The following PEBP4 variants were observed in gnomAD, a reference collection of about 807,000 sequenced individuals.
PEBP4 encodes phosphatidylethanolamine binding protein 4, also known as phosphatidylethanolamine-binding protein 4.
Under a neutral mutation model 23.9 loss-of-function variants are expected in PEBP4, and 22 were observed. That is an observed-to-expected ratio of 0.92 (90% CI 0.66 to 1.31). The LOEUF is 1.31. PEBP4 is among the 40% of genes most tolerant of loss of function. The pLI is 0.00. For missense variants in PEBP4, 324 were observed against 281.7 expected, an observed-to-expected ratio of 1.15 and a Z score of -1.07; for synonymous variants, 112 against 99.3, an observed-to-expected ratio of 1.13 and a Z score of -0.76.
At chr8:22,855,010 A>G (rs200199824) in intron 3 of PEBP4, among the ~76,000 whole-genome samples, 3,796 of 31,124 alleles carry the variant, frequency 0.12, 137 homozygotes, top group East Asian at 0.26. Context: ...GCACACACAC[A>G]CACACACACA....
intron 4 of PEBP4, among the ~76,000 whole-genome samples, chr8:22,807,055 C>T (rs79858170): frequency 0.18 from 26,879 of 152,180 alleles, 2,963 homozygotes; most frequent in South Asian, 0.27. Context: ...ACTGATATTA[C>T]ACTTACCAGC....
At chr8:22,843,693 GC>G (rs1481317071) in intron 3 of PEBP4, among the ~76,000 whole-genome samples, 17 of 152,202 alleles carry the variant, frequency 1.1e-4, no homozygotes, top group Non-Finnish European at 1.8e-4. Context: ...TTGAATGTCA[GC>G]CTTGCCCCAG....
intron 4 of PEBP4, among the ~76,000 whole-genome samples, chr8:22,777,293 G>A (rs1474260894): frequency 2.0e-5 from 3 of 152,140 alleles, no homozygotes; most frequent in Non-Finnish European, 4.4e-5. Context: ...CATTTACAGT[G>A]TGGAAGAGGA....
At position 22,817,728 on chromosome 8, in the gene PEBP4, G is replaced by C; in HGVS notation, c.266C>G (p.Thr89Ser). The change falls in exon 4 of 7, where the codon ACC (threonine) becomes AGC (serine). Residue 89 changes from threonine (T) to serine (S), a missense_variant. Thr to Ser is a moderately conservative substitution (Grantham distance 58). Coordinates refer to ENST00000256404, the MANE Select transcript of PEBP4 (RefSeq NM_144962.3). The part of the protein sequence containing the change: ...VKFPGAVDGA[T>S]YILVMVDPDA... ...TGGATCCACCATCACCAGGATATAG[G>C]TTGCGCCCTGTAACACATGTACCGA... 6.2e-7 allele frequency: 1 copy of C among 1,614,036 alleles called. No homozygotes were observed. Among genetic ancestry groups the C allele is most frequent in the South Asian group, 1.1e-5 (1 of 91,084 alleles).
chr8:22,779,577 T>C (rs1185950143), intron 4 of PEBP4, among the ~76,000 whole-genome samples: 1 of 151,954 alleles, frequency 6.6e-6, no homozygotes, highest in Non-Finnish European at 1.5e-5. Context: ...GGTGCCGTGG[T>C]CCCCCGACTC....
chr8:22,850,894 G>C (rs1807537419), intron 3 of PEBP4, among the ~76,000 whole-genome samples: 1 of 152,216 alleles, frequency 6.6e-6, no homozygotes, highest in African/African-American at 2.4e-5. Context: ...CTTGGGTTCA[G>C]ACACGGCTTC....
At chr8:22,776,567 C>T (rs899111653) in intron 4 of PEBP4, among the ~76,000 whole-genome samples, 10 of 152,004 alleles carry the variant, frequency 6.6e-5, no homozygotes, top group South Asian at 2.1e-4. Context: ...CCTCCTCCCA[C>T]GGGTTTCTCC....
chr8:22,813,608 T>G (rs1466093885), intron 4 of PEBP4, among the ~76,000 whole-genome samples: 1 of 152,196 alleles, frequency 6.6e-6, no homozygotes, highest in Admixed American at 6.5e-5. Flanking sequence ...CCTAATGAGC[T>G]TTCAGCATGA....
At chr8:22,838,346 T>C (rs1807249169) in intron 3 of PEBP4, among the ~76,000 whole-genome samples, 3 of 152,190 alleles carry the variant, frequency 2.0e-5, no homozygotes, top group Non-Finnish European at 4.4e-5. Context: ...ACAGGTTTTT[T>C]GGTTTTTTTT....
At chr8:22,714,869 A>G (rs1259125397) in intron 6 of PEBP4, among the ~76,000 whole-genome samples, 2 of 152,228 alleles carry the variant, frequency 1.3e-5, no homozygotes, top group Non-Finnish European at 2.9e-5. Flanking sequence ...AGGAGAGGAT[A>G]ATTTTTAATC....
chr8:22,839,733 A>G (rs1207433066), intron 3 of PEBP4, among the ~76,000 whole-genome samples: 2 of 152,116 alleles, frequency 1.3e-5, no homozygotes, highest in African/African-American at 2.4e-5. Flanking sequence ...CATAACTGAG[A>G]ACCACAACCT....
chr8:22,930,232 G>A (rs1809433493), upstream of PEBP4, among the ~76,000 whole-genome samples: 1 of 152,182 alleles, frequency 6.6e-6, no homozygotes, highest in Admixed American at 6.5e-5. Flanking sequence ...TGCCAGGGCT[G>A]TGATAGGCAC....
chr8:22,913,270 G>C (rs1256424447), intron 3 of PEBP4, among the ~76,000 whole-genome samples: 1 of 152,120 alleles, frequency 6.6e-6, no homozygotes, highest in Non-Finnish European at 1.5e-5. Flanking sequence ...GAACGATCCA[G>C]ATCCAGTGGC....
intron 4 of PEBP4, among the ~76,000 whole-genome samples, chr8:22,772,410 A>G (rs563744915): frequency 2.8e-4 from 43 of 152,056 alleles, no homozygotes; most frequent in African/African-American, 9.4e-4. Context: ...CCTGGGTTCC[A>G]TGCCCATTAT....
At chr8:22,736,242 G>A (rs554417669) in intron 4 of PEBP4, among the ~76,000 whole-genome samples, 1 of 152,226 alleles carries the variant, frequency 6.6e-6, no homozygotes, top group South Asian at 2.1e-4. Flanking sequence ...GGGGTTCCGG[G>A]GTGGGGTTAA....
At chr8:22,920,551 G>A (rs371308871) in intron 2 of PEBP4, among the ~76,000 whole-genome samples, 60 of 152,214 alleles carry the variant, frequency 3.9e-4, no homozygotes, top group African/African-American at 1.3e-3. Flanking sequence ...GAAAAGTGGC[G>A]GTCAATGGTC....
At chr8:22,804,216 A>C (rs1806447590) in intron 4 of PEBP4, among the ~76,000 whole-genome samples, 1 of 152,172 alleles carries the variant, frequency 6.6e-6, no homozygotes, top group Admixed American at 6.5e-5. Context: ...CTGTAGTCCT[A>C]GCTACTTAGG....
At chr8:22,891,037 C>A (rs927695288) in intron 3 of PEBP4, among the ~76,000 whole-genome samples, 2 of 152,182 alleles carry the variant, frequency 1.3e-5, no homozygotes, top group African/African-American at 4.8e-5. Context: ...ACCATGTTGG[C>A]CAGGCTGGTC....
At chr8:22,833,234 T>C (rs73553881) in intron 3 of PEBP4, among the ~76,000 whole-genome samples, 10,391 of 152,206 alleles carry the variant, frequency 0.068, 582 homozygotes, top group African/African-American at 0.15. Context: ...AAATCCCTGG[T>C]ATGTTTTAAA....
Sources: allele counts gnomAD v4.1 joint callset (sites outside exome capture counted in the v4.1 genomes callset), GRCh38; gene constraint gnomAD v4.1.1; transcripts MANE v1.5; gene names NCBI Gene and HGNC (gene_info 2026-07-23, HGNC 2026-07-21).